ATR: variants seen among roughly 807,000 people sequenced by gnomAD.
ATR encodes the protein ATR checkpoint kinase, also known as serine/threonine-protein kinase ATR.
ATR carries 142 observed loss-of-function variants against 305.3 expected under a neutral mutation model. That is an observed-to-expected ratio of 0.47 (90% CI 0.41 to 0.53). The LOEUF (loss-of-function observed/expected upper bound fraction) is 0.53. Ranked by LOEUF, ATR falls within the 20% of genes least tolerant of loss-of-function variation. The pLI, the probability that ATR is intolerant of heterozygous loss-of-function variation, is 0.00. For synonymous variants in ATR, 1,050 were observed against 1,068.1 expected, an observed-to-expected ratio of 0.98 and a Z score of 0.33; for missense variants, 2,135 against 3,133.1, an observed-to-expected ratio of 0.68 and a Z score of 7.60.
In ATR at chr3:142,559,274, TA is replaced by T; in HGVS notation, c.1708del (p.Tyr570MetfsTer4). On this transcript the variant is annotated frameshift_variant, in exon 7 of 47. Transcript: ENST00000350721. LOFTEE classifies it high-confidence loss of function. ...EATIDKVVKI[Y>X]DALIYMQVNS... is the part of the protein sequence containing the mutation. ...ACCTTGCATATAAATCAAAGCATCATAAATTTTCACCACCTTATCAATGGTT... is the reference window on the plus strand; with the variant it reads ...ACCTTGCATATAAATCAAAGCATCATAATTTTCACCACCTTATCAATGGTT... The T allele has an allele frequency of 6.2e-7, 1 of 1,613,944 alleles. No homozygotes were observed. The highest frequency in any genetic ancestry group is 8.5e-7 in the Non-Finnish European group (1 of 1,179,926).
At chr3:142,511,266 A>G (rs1303341670) in intron 27 of ATR, among the ~76,000 whole-genome samples, 1 of 152,156 alleles carries the variant, frequency 6.6e-6, no homozygotes, top group Non-Finnish European at 1.5e-5. Context: ...GATTAGGTTA[A>G]TAACAATATT....
intron 13 of ATR, among the ~76,000 whole-genome samples, chr3:142,551,820 T>C (rs942613846): frequency 2.0e-5 from 3 of 152,014 alleles, no homozygotes; most frequent in Admixed American, 6.6e-5. Context: ...AATTGACAAA[T>C]AGGATCTATT....
At position 142,541,022 on chromosome 3, in the gene ATR, A is replaced by T. The variant is rs1209257747; in HGVS notation, c.3463T>A (p.Leu1155Met). ...IEDKKMALNS[L>M]MSLMKLMGPK... ...CCCATTAACTTCATCAAAGACATCA[A>T]ACTGTTCAAGGCCTATAGAGTTAAG... Residue 1155 changes from leucine (L) to methionine (M), a missense_variant, in exon 18 of 47, where the codon TTG (leucine) becomes ATG (methionine). This residue lies in a region of ATR where 530 missense variants were observed against 766.8 expected (regional missense o/e 0.69). Transcript: ENST00000350721. 2 of 1,613,656 alleles carry T rather than the reference A, an allele frequency of 1.2e-6. No homozygotes were observed. The highest frequency in any genetic ancestry group is 1.7e-6 in the Non-Finnish European group (2 of 1,179,680).
intron 3 of ATR, 42 bp from the exon 4 acceptor site, chr3:142,563,151 C>A (rs1255448010): frequency 3.9e-6 from 6 of 1,546,438 alleles, no homozygotes; most frequent in Middle Eastern, 4.0e-4. Flanking sequence ...ACAAGTATAT[C>A]CGAAGTGCTA....
intron 12 of ATR, 103 bp from the exon 13 acceptor site, chr3:142,553,501 A>T (rs2034554539): frequency 1.4e-6 from 2 of 1,464,298 alleles, no homozygotes; most frequent in Non-Finnish European, 1.9e-6. Context: ...AACAAACGGA[A>T]ATCTACAAAT....
At chr3:142,551,084 G>A (rs2034455304) in intron 13 of ATR, among the ~76,000 whole-genome samples, 1 of 152,152 alleles carries the variant, frequency 6.6e-6, no homozygotes, top group Non-Finnish European at 1.5e-5. Context: ...ACCACGCCCA[G>A]CCTTAACAAT....
At chr3:142,550,471 T>C (rs1259821227) in intron 13 of ATR, among the ~76,000 whole-genome samples, 169 bp from the exon 14 acceptor site, 4 of 152,218 alleles carry the variant, frequency 2.6e-5, no homozygotes, top group African/African-American at 9.6e-5. Flanking sequence ...ATAATCTGCC[T>C]TTCACAGATG....
chr3:142,461,781 G>A (rs193057509), intron 42 of ATR, among the ~76,000 whole-genome samples, 159 bp downstream of exon 42: 1 of 152,212 alleles, frequency 6.6e-6, no homozygotes, highest in East Asian at 1.9e-4. Flanking sequence ...AGAAAGGAAG[G>A]AAGGGATGGA....
rs545046284 is a variant in ATR, at chr3:142,546,685, C to T, written c.3357+1040G>A. 1.8e-4 allele frequency among the ~76,000 whole-genome samples: 27 copies of T among 152,088 alleles called. No individual in the cohort carries two copies. In the Middle Eastern group the frequency reaches 0.014, roughly 78 times the overall value. ...GTAAAGAAGCCTAAATATGAGTGAACAGTGAAGCAAAAAAGAAAATCAAGA... is the reference window on the plus strand; with the variant it reads ...GTAAAGAAGCCTAAATATGAGTGAATAGTGAAGCAAAAAAGAAAATCAAGA... On this transcript the variant is annotated intron_variant, in intron 16 of 46. Coordinates refer to ENST00000350721, the MANE Select transcript of ATR (RefSeq NM_001184.4).
At chr3:142,480,377 C>CA (rs1194188704) in intron 36 of ATR, among the ~76,000 whole-genome samples, 2 of 152,238 alleles carry the variant, frequency 1.3e-5, no homozygotes, top group African/African-American at 2.4e-5. Context: ...GCCTGGGTAT[C>CA]AGCAGCGGAG....
At chr3:142,485,935 ATCTCATTTGAACTC>A (rs2030892506) in intron 35 of ATR, among the ~76,000 whole-genome samples, 2 of 152,156 alleles carry the variant, frequency 1.3e-5, no homozygotes, top group African/African-American at 4.8e-5. Context: ...TACAACTCTG[ATCTCATTTGAACTC>A]TCTTCAATAT....
At chr3:142,497,988 A>T (rs2031744628) in intron 32 of ATR, among the ~76,000 whole-genome samples, 1 of 152,240 alleles carries the variant, frequency 6.6e-6, no homozygotes, top group African/African-American at 2.4e-5. Context: ...AATTAAACTC[A>T]GTGGTCCAAT....
rs2070979628 is a variant in ATR, at chr3:142,459,477, T to C, written c.7193-94A>G. ...AAAATTGGACAAGAAACATCTACTTTTATTCAAATTGTTATTGAAAAACAA... is the reference window on the plus strand; with the variant it reads ...AAAATTGGACAAGAAACATCTACTTCTATTCAAATTGTTATTGAAAAACAA... On this transcript the variant is annotated intron_variant, in intron 42 of 46. Transcript: ENST00000350721. 3.7e-6 allele frequency: 5 copies of C among 1,364,318 alleles called. No homozygotes were observed. The South Asian group carries it at 6.3e-5, about 17-fold the overall frequency. The allele number at this position is 1,364,318 out of a possible 1,614,324, so 84.5% of individuals were successfully genotyped here. A position where few individuals can be genotyped will look rare whatever the true frequency, so the allele number is the denominator to read the frequency against.
chr3:142,494,615 T>A (rs1303689836), intron 34 of ATR, among the ~76,000 whole-genome samples: 1 of 152,176 alleles, frequency 6.6e-6, no homozygotes, highest in Admixed American at 6.5e-5. Flanking sequence ...GTGAAAGGCA[T>A]TCTAGGTAGA....
At chr3:142,564,766 T>C (rs183267890) in intron 3 of ATR, among the ~76,000 whole-genome samples, 74 of 152,308 alleles carry the variant, frequency 4.9e-4, no homozygotes, top group Admixed American at 1.2e-3. Flanking sequence ...TTTTTTTTTT[T>C]CTTGAGACAG....
At chr3:142,548,748 T>C (rs1285227704) in intron 15 of ATR, among the ~76,000 whole-genome samples, 5 of 152,116 alleles carry the variant, frequency 3.3e-5, no homozygotes, top group Non-Finnish European at 7.3e-5. Context: ...TCCATATCAA[T>C]TGTTTAGCTC....
chr3:142,530,196 T>C (rs545602835), intron 21 of ATR, among the ~76,000 whole-genome samples: 1 of 152,276 alleles, frequency 6.6e-6, no homozygotes, highest in Middle Eastern at 3.4e-3. Flanking sequence ...TAGTCAAATA[T>C]ATTCTCCCCT....
intron 42 of ATR, among the ~76,000 whole-genome samples, chr3:142,459,925 A>C (rs149048041): frequency 2.6e-5 from 4 of 152,280 alleles, no homozygotes; most frequent in Non-Finnish European, 5.9e-5. Flanking sequence ...CATATGAATG[A>C]ACTTATTTTG....
chr3:142,484,931 A>G (rs1444383157), intron 36 of ATR, among the ~76,000 whole-genome samples: 1 of 152,228 alleles, frequency 6.6e-6, no homozygotes, highest in Non-Finnish European at 1.5e-5. Flanking sequence ...TCCAAAACAC[A>G]TGTCTATATC....
Sources: gnomAD v4.1 joint callset for allele counts (sites outside exome capture counted in the v4.1 genomes callset) on GRCh38, gnomAD v4.1.1 for gene constraint, gnomAD v4.1.1 regional missense constraint, MANE v1.5 for transcripts, NCBI Gene and HGNC (gene_info 2026-07-23, HGNC 2026-07-21) for gene names.